Variants in CCDC134 observed in about 807,000 individuals in gnomAD.
CCDC134 encodes coiled-coil domain containing 134, also known as coiled-coil domain-containing protein 134.
CCDC134 carries 27 observed loss-of-function variants against 25.6 expected under a neutral mutation model. That is an observed-to-expected ratio of 1.05 (90% CI 0.78 to 1.45). CCDC134 has a LOEUF of 1.45. CCDC134 is among the 40% of genes most tolerant of loss of function. The probability of loss-of-function intolerance (pLI) is 0.00; values close to 1 mark genes in which losing one functional copy is unlikely to be tolerated. For synonymous variants in CCDC134, 110 were observed against 115.0 expected (o/e 0.96, Z 0.28); for missense variants, 261 against 286.7 (o/e 0.91, Z 0.65).
At chr22:41,815,543 T>C (rs1433672433) in intron 6 of CCDC134, among the ~76,000 whole-genome samples, 1 of 152,166 alleles carries the variant, frequency 6.6e-6, no homozygotes, top group Non-Finnish European at 1.5e-5. Context: ...TTCAGTCTGA[T>C]TGATCTGACT....
chr22:41,819,972 T>TATATATATAC (rs1445487332), intron 6 of CCDC134, among the ~76,000 whole-genome samples: 1 of 110,714 alleles, frequency 9.0e-6, no homozygotes, highest in Non-Finnish European at 1.8e-5. Context: ...TTTATATATA[T>TATATATATAC]ATATATATAT....
rs559499473 is a variant in CCDC134 at position 41,826,780 on chromosome 22, G to A, written c.*957G>A. Among the ~76,000 whole-genome samples the A allele has an allele frequency of 6.6e-6, 1 of 152,350 alleles. No individual in the cohort carries two copies. The highest frequency in any genetic ancestry group is 2.1e-4 in the South Asian group (1 of 4,826). ...AAGCTGCAGAGGGCATGTGGCCCTG[G>A]GTAGGGCAGCTGCCCTTCACTCATG... On this transcript the variant is annotated 3_prime_UTR_variant, in exon 7 of 7. Coordinates refer to ENST00000255784, the MANE Select transcript of CCDC134 (RefSeq NM_024821.5).
chr22:41,819,963 T>TCTA (rs57794600), intron 6 of CCDC134, among the ~76,000 whole-genome samples: 1 of 82,628 alleles, frequency 1.2e-5, no homozygotes, highest in African/African-American at 6.1e-5. Flanking sequence ...ACTTACCACT[T>TCTA]TATATATATA....
intron 1 of CCDC134, 114 bp from the exon 2 acceptor site, chr22:41,808,761 C>T: frequency 1.2e-6 from 1 of 811,412 alleles, no homozygotes; most frequent in Non-Finnish European, 2.0e-6. Flanking sequence ...AAGCTGGGTT[C>T]TTGGTATACA....
chr22:41,813,878 A>G, intron 6 of CCDC134, 56 bp downstream of exon 6: 1 of 1,527,466 alleles, frequency 6.5e-7, no homozygotes, highest in Non-Finnish European at 9.1e-7. Flanking sequence ...GCCATAGGAC[A>G]CCGAGGCCTG....
At chr22:41,816,693 C>T (rs779287482) in intron 6 of CCDC134, among the ~76,000 whole-genome samples, 16 of 152,114 alleles carry the variant, frequency 1.1e-4, no homozygotes, top group Non-Finnish European at 1.6e-4. Flanking sequence ...CCGAGGTGGG[C>T]GGATCATGAG....
chr22:41,813,923 G>C, intron 6 of CCDC134, 101 bp downstream of exon 6: 1 of 1,017,232 alleles, frequency 9.8e-7, no homozygotes, highest in Non-Finnish European at 1.5e-6. Context: ...TTTGGACTTG[G>C]AGCCAGGCAG....
chr22:41,803,637 G>T (rs966851200), intron 1 of CCDC134, among the ~76,000 whole-genome samples: 1 of 151,356 alleles, frequency 6.6e-6, no homozygotes, highest in African/African-American at 2.4e-5. Flanking sequence ...GCATGGTGAT[G>T]CACACCTGTA....
chr22:41,800,803 G>T (rs2076536344), intron 1 of CCDC134, 37 bp downstream of exon 1: 1 of 152,652 alleles, frequency 6.6e-6, no homozygotes, highest in Non-Finnish European at 1.5e-5. Context: ...GCAGGTTCCC[G>T]GGAAGGATAA....
intron 1 of CCDC134, among the ~76,000 whole-genome samples, chr22:41,804,226 C>A (rs1389535330): frequency 6.6e-6 from 1 of 152,192 alleles, no homozygotes; most frequent in Non-Finnish European, 1.5e-5. Context: ...CCATCAACTT[C>A]TTATCCTGGT....
chr22:41,822,182 C>T (rs1028906590), intron 6 of CCDC134, among the ~76,000 whole-genome samples: 1 of 151,984 alleles, frequency 6.6e-6, no homozygotes, highest in East Asian at 1.9e-4. Context: ...AGGCTGGAGA[C>T]GTAGCATGGG....
In CCDC134 at chr22:41,825,436, T is replaced by C. The variant is rs2148322101; in HGVS notation, c.565-262T>C. Among the ~76,000 whole-genome samples the C allele has an allele frequency of 6.6e-6, 1 of 152,240 alleles. No homozygotes were observed. The highest frequency in any genetic ancestry group is 1.9e-4 in the East Asian group (1 of 5,176). On this transcript the variant is annotated intron_variant, in intron 6 of 6. Coordinates refer to ENST00000255784, the MANE Select transcript of CCDC134 (RefSeq NM_024821.5). The surrounding 1 kb of genome is among the most constrained non-coding windows in gnomAD (Gnocchi z 4.4). Reference sequence around the variant, plus strand: ...AGGAGTCTGTGTGTTGTTTCTCAGATGCCCCATGTAGGTTCCCACCTCAGC... The same window carrying C: ...AGGAGTCTGTGTGTTGTTTCTCAGACGCCCCATGTAGGTTCCCACCTCAGC...
intron 6 of CCDC134, among the ~76,000 whole-genome samples, chr22:41,822,347 T>A (rs1411349940): frequency 6.6e-6 from 1 of 152,014 alleles, no homozygotes; most frequent in Non-Finnish European, 1.5e-5. Flanking sequence ...CACAGGGAGG[T>A]ACAGTAATCA....
chr22:41,805,592 GAAAAC>G (rs1049523638), intron 1 of CCDC134, among the ~76,000 whole-genome samples: 5 of 152,018 alleles, frequency 3.3e-5, no homozygotes, highest in Non-Finnish European at 4.4e-5. Flanking sequence ...CTTAAATTTA[GAAAAC>G]AAAACAAGTA....
intron 1 of CCDC134, among the ~76,000 whole-genome samples, chr22:41,806,805 T>C (rs1352638549): frequency 1.3e-5 from 2 of 152,000 alleles, no homozygotes; most frequent in Non-Finnish European, 2.9e-5. Flanking sequence ...CCCAGCACTT[T>C]GGGAGGCTGA....
intron 2 of CCDC134, among the ~76,000 whole-genome samples, chr22:41,809,351 G>A (rs1044522226): frequency 3.3e-5 from 5 of 152,160 alleles, no homozygotes; most frequent in Non-Finnish European, 7.4e-5. Flanking sequence ...ACACGAAGAT[G>A]AATTACAACA....
Position 41,826,568 on chromosome 22 carries a change from G to C in CCDC134, c.*745G>C, listed in dbSNP as rs922242637. 4.6e-5 allele frequency among the ~76,000 whole-genome samples: 7 copies of C among 152,222 alleles called. No individual in the cohort carries two copies. Among genetic ancestry groups the C allele is most frequent in the Non-Finnish European group, 7.3e-5 (5 of 68,030 alleles). Reference sequence around the variant, plus strand: ...ATGATCCCTGTCCTCAGATGTCTGGGGACAGTCATTGAGCAAGCACAGGGA... The same window carrying C: ...ATGATCCCTGTCCTCAGATGTCTGGCGACAGTCATTGAGCAAGCACAGGGA... On this transcript the variant is annotated 3_prime_UTR_variant, in exon 7 of 7. Coordinates refer to ENST00000255784, the MANE Select transcript of CCDC134 (RefSeq NM_024821.5).
In CCDC134 at chr22:41,825,294, C is replaced by T. The variant is rs28582973; in HGVS notation, c.565-404C>T. On this transcript the variant is annotated intron_variant, in intron 6 of 6. Transcript: ENST00000255784. The surrounding 1 kb of genome is among the most constrained non-coding windows in gnomAD (Gnocchi z 4.4). ...ATGAAGTCCTCATCCTCCACCCCCC[C>T]ACTTGCCTTGTCATCTGTGACTCTG... 0.05 allele frequency among the ~76,000 whole-genome samples: 7,645 copies of T among 151,808 alleles called. 608 individuals are homozygous for T. The highest frequency in any genetic ancestry group is 0.17 in the African/African-American group (7,216 of 41,238).
chr22:41,825,938 A>G lies in CCDC134; in HGVS notation c.*115A>G. The G allele has an allele frequency of 6.9e-7, 1 of 1,444,604 alleles. No homozygotes were observed. Among genetic ancestry groups the G allele is most frequent in the Non-Finnish European group, 9.4e-7 (1 of 1,063,072 alleles). The allele number at this position is 1,444,604 out of a possible 1,614,324, so 89.5% of individuals were successfully genotyped here. Reference sequence around the variant, plus strand: ...CTAGCCCCTTCCAGAAGGGGAGGCCACATTTGCCCGGCCCCCTGGAGCTGG... The same window carrying G: ...CTAGCCCCTTCCAGAAGGGGAGGCCGCATTTGCCCGGCCCCCTGGAGCTGG... On this transcript the variant is annotated 3_prime_UTR_variant, in exon 7 of 7. Coordinates refer to ENST00000255784, the MANE Select transcript of CCDC134 (RefSeq NM_024821.5). This position sits in a 1 kb window ranked among gnomAD's most constrained non-coding sequence, Gnocchi z 4.4.
Sources: gnomAD v4.1 joint callset for allele counts (sites outside exome capture counted in the v4.1 genomes callset) on GRCh38, gnomAD v4.1.1 for gene constraint, Gnocchi (gnomAD v3.1) non-coding constraint, MANE v1.5 for transcripts, NCBI Gene and HGNC (gene_info 2026-07-23, HGNC 2026-07-21) for gene names.